Variants in NUP37 observed in about 807,000 individuals in gnomAD.
The protein encoded by NUP37 is nucleoporin Nup37.
In NUP37, 33 loss-of-function variants were observed where a neutral mutation model predicts 45.4. That is an observed-to-expected ratio of 0.73 (90% CI 0.55 to 0.97). The LOEUF (loss-of-function observed/expected upper bound fraction) is 0.97, where lower values mean the gene tolerates loss of function less well. Among genes scored for constraint, NUP37 ranks in the 50% least tolerant of loss-of-function variants. NUP37 has a pLI of 0.00. For missense variants in NUP37, 365 were observed against 389.7 expected (o/e 0.94, Z 0.53); for synonymous variants, 127 against 130.7 (o/e 0.97, Z 0.19).
Position 102,112,091 on chromosome 12 carries a change from G to A in NUP37, c.281+17C>T, listed in dbSNP as rs1179297316. The A allele has an allele frequency of 3.7e-6, 6 of 1,610,200 alleles. No individual in the cohort carries two copies. The highest frequency in any genetic ancestry group is 1.3e-5 in the African/African-American group (1 of 74,812). ...AAGTACATTAGTAAGGAATGCATTT[G>A]GTACTGTTAAACTTACTTGATTACT... On this transcript the variant is annotated intron_variant, in intron 3 of 9. Coordinates refer to ENST00000552283, the MANE Select transcript of NUP37 (RefSeq NM_024057.4).
At chr12:102,118,675 CAG>C (rs772532265) in intron 1 of NUP37, 92 bp from the exon 2 acceptor site, 7 of 591,388 alleles carry the variant, frequency 1.2e-5, no homozygotes, top group East Asian at 2.9e-5. Context: ...TACAATGAGA[CAG>C]AAAGCTCAAA....
intron 3 of NUP37, among the ~76,000 whole-genome samples, chr12:102,108,552 T>C (rs749280452): frequency 2.6e-5 from 4 of 152,200 alleles, no homozygotes; most frequent in Non-Finnish European, 4.4e-5. Flanking sequence ...TAAACTCCCC[T>C]TCATATATAC....
chr12:102,089,275 G>T (rs1879569356), intron 5 of NUP37, among the ~76,000 whole-genome samples: 1 of 152,162 alleles, frequency 6.6e-6, no homozygotes, highest in Non-Finnish European at 1.5e-5. Flanking sequence ...ACACTTGGAA[G>T]ATTGCACAGT....
intron 1 of NUP37, 90 bp from the exon 2 acceptor site, chr12:102,118,673 G>T: frequency 1.7e-6 from 1 of 594,774 alleles, no homozygotes; most frequent in Non-Finnish European, 2.8e-6. Flanking sequence ...GTTACAATGA[G>T]ACAGAAAGCT....
chr12:102,075,167 T>G, intron 8 of NUP37, 73 bp from the exon 9 acceptor site: 1 of 808,718 alleles, frequency 1.2e-6, no homozygotes, highest in Non-Finnish European at 1.9e-6. Context: ...AAGCGGGCTT[T>G]TTCTTTTTCT....
chr12:102,086,810 G>A (rs1348035915), intron 5 of NUP37, among the ~76,000 whole-genome samples: 1 of 152,202 alleles, frequency 6.6e-6, no homozygotes, highest in African/African-American at 2.4e-5. Context: ...TTGACTGGGT[G>A]CCATGGCTCA....
chr12:102,076,933 A>T, intron 7 of NUP37, 86 bp from the exon 8 acceptor site: 4 of 906,062 alleles, frequency 4.4e-6, no homozygotes, highest in Non-Finnish European at 7.1e-6. Context: ...TTCTCTTTAT[A>T]GGACAGAATG....
intron 5 of NUP37, among the ~76,000 whole-genome samples, chr12:102,094,237 T>C (rs1475592249): frequency 1.3e-5 from 2 of 152,112 alleles, no homozygotes; most frequent in Admixed American, 1.3e-4. Flanking sequence ...TTACTGATCT[T>C]GATTCAAAAT....
At chr12:102,105,701 A>G (rs1278855179) in intron 3 of NUP37, among the ~76,000 whole-genome samples, 1 of 151,836 alleles carries the variant, frequency 6.6e-6, no homozygotes, top group Non-Finnish European at 1.5e-5. Context: ...TCTCTACTAA[A>G]AACACAAAAA....
Position 102,113,111 on chromosome 12 carries a change from CA to C in NUP37, c.157-880del, listed in dbSNP as rs1880363766. On this transcript the variant is annotated intron_variant, in intron 2 of 9. Transcript: ENST00000552283. ...AATAACCTGAAAAGTTCTCCCATTA[CA>C]ACATTGCAAAAATTCAAATACAGAC... Among the ~76,000 whole-genome samples the C allele has an allele frequency of 4.6e-5, 7 of 152,296 alleles. No homozygotes were observed. The South Asian group carries it at 1.4e-3, about 32-fold the overall frequency.
At chr12:102,078,386 TAAG>T (rs1379064392) in intron 6 of NUP37, among the ~76,000 whole-genome samples, 12 of 152,272 alleles carry the variant, frequency 7.9e-5, no homozygotes, top group South Asian at 2.1e-4. Context: ...GTGCCGTCAC[TAAG>T]AAGAAGAGAT....
At chr12:102,109,357 C>A (rs1249072228) in intron 3 of NUP37, among the ~76,000 whole-genome samples, 1 of 152,040 alleles carries the variant, frequency 6.6e-6, no homozygotes. Context: ...CTGAGTTATA[C>A]CTTAGTCATG....
At chr12:102,096,632 T>C (rs924376943) in intron 5 of NUP37, among the ~76,000 whole-genome samples, 1 of 152,160 alleles carries the variant, frequency 6.6e-6, no homozygotes, top group African/African-American at 2.4e-5. Context: ...AGAATACATA[T>C]TGTAGAACTG....
Position 102,099,157 on chromosome 12 carries a change from T to A in NUP37, c.398A>T (p.Asp133Val), listed in dbSNP as rs766541433. 2 of 1,613,906 alleles carry A rather than the reference T, an allele frequency of 1.2e-6. No homozygotes were observed. Among genetic ancestry groups the A allele is most frequent in the Non-Finnish European group, 1.7e-6 (2 of 1,179,810 alleles). ...HTDFINGLVF[D>V]PKEGQEIASV... ...TGCAATTTCTTGGCCTTCTTTGGGA[T>A]CAAACACCAAACCATTAATGAAATC... The change falls in exon 5 of 10, where the codon GAT becomes GTT. Residue 133 changes from aspartate (D) to valine (V), a missense_variant. Transcript: ENST00000552283.
Position 102,118,344 on chromosome 12 carries a change from T to G in NUP37, c.156+19A>C, listed in dbSNP as rs1296979709. 4 of 1,604,406 alleles carry G rather than the reference T, an allele frequency of 2.5e-6. No individual in the cohort carries two copies. The South Asian group carries it at 4.5e-5, about 18-fold the overall frequency. ...GTGAAATATGTTCACTGTCATTCGGTGCAGTTTTGTAGACTAACCTGAAAC... is the reference window on the plus strand; with the variant it reads ...GTGAAATATGTTCACTGTCATTCGGGGCAGTTTTGTAGACTAACCTGAAAC... On this transcript the variant is annotated intron_variant, in intron 2 of 9. Transcript: ENST00000552283.
intron 3 of NUP37, among the ~76,000 whole-genome samples, chr12:102,105,811 G>A (rs1007961234): frequency 4.8e-5 from 7 of 144,714 alleles, no homozygotes; most frequent in African/African-American, 1.5e-4. Context: ...GCAGTGAGCC[G>A]AGATCACGCC....
intron 4 of NUP37, among the ~76,000 whole-genome samples, chr12:102,099,747 C>A (rs926393195): frequency 2.0e-5 from 3 of 152,090 alleles, no homozygotes; most frequent in Non-Finnish European, 4.4e-5. Context: ...CAAAAAATCT[C>A]GACACAGAAG....
At chr12:102,095,937 C>T (rs980249724) in intron 5 of NUP37, among the ~76,000 whole-genome samples, 1 of 152,078 alleles carries the variant, frequency 6.6e-6, no homozygotes, top group Non-Finnish European at 1.5e-5. Context: ...ACTTGACTGC[C>T]TTGCCTCTGC....
Position 102,119,740 on chromosome 12 carries a change from G to A in NUP37, c.-66+310C>T, listed in dbSNP as rs1042500705. Among the ~76,000 whole-genome samples, 3 of 152,328 alleles carry A rather than the reference G, an allele frequency of 2.0e-5. No homozygotes were observed. In the South Asian group the frequency reaches 6.2e-4, roughly 32 times the overall value. ...GACAGAGAGGTATAGAAGTGCAAGA[G>A]ATTCGAGGTCACGAAATTGTTCCGT... On this transcript the variant is annotated intron_variant, in intron 1 of 9. Coordinates refer to ENST00000552283, the MANE Select transcript of NUP37 (RefSeq NM_024057.4).
Sources: allele counts gnomAD v4.1 joint callset (sites outside exome capture counted in the v4.1 genomes callset), GRCh38; gene constraint gnomAD v4.1.1; transcripts MANE v1.5; gene names NCBI Gene and HGNC (gene_info 2026-07-23, HGNC 2026-07-21).